Variants in DLG2 observed in about 807,000 individuals in gnomAD.
DLG2 encodes the protein discs large MAGUK scaffold protein 2.
A neutral mutation model predicts 132.5 loss-of-function variants in DLG2; 45 were observed. That is an observed-to-expected ratio of 0.34 (90% CI 0.27 to 0.44). The LOEUF is 0.44. DLG2 is among the 20% of genes least tolerant of loss of function. The probability of loss-of-function intolerance (pLI) is 1.00; values close to 1 mark genes in which losing one functional copy is unlikely to be tolerated. For missense variants in DLG2, 1,045 were observed against 1,196.9 expected, an observed-to-expected ratio of 0.87 and a Z score of 1.87; for synonymous variants, 424 against 419.6, an observed-to-expected ratio of 1.01 and a Z score of -0.13.
chr11:83,739,174 C>A (rs1037102144), intron 18 of DLG2, among the ~76,000 whole-genome samples: 1 of 151,966 alleles, frequency 6.6e-6, no homozygotes. Context: ...ACTGGACCCA[C>A]CACTGATGGG....
chr11:85,581,958 T>C (rs947430114), intron 3 of DLG2, among the ~76,000 whole-genome samples: 4 of 152,158 alleles, frequency 2.6e-5, no homozygotes, highest in African/African-American at 7.2e-5. Context: ...AAGTGGACTG[T>C]CTGAGGAAGT....
At chr11:83,615,375 A>G (rs11828862) in intron 19 of DLG2, among the ~76,000 whole-genome samples, 16,545 of 152,242 alleles carry the variant, frequency 0.11, 1,601 homozygotes, top group African/African-American at 0.25. Context: ...TATTCTAGCA[A>G]CATGACCCAA....
chr11:84,140,196 T>C (rs2094781458), intron 9 of DLG2, among the ~76,000 whole-genome samples: 1 of 152,146 alleles, frequency 6.6e-6, no homozygotes, highest in Non-Finnish European at 1.5e-5. Context: ...CCCTTTGCTA[T>C]GTATTGAGTG....
At chr11:83,817,441 T>C (rs1239297330) in intron 17 of DLG2, among the ~76,000 whole-genome samples, 1 of 152,204 alleles carries the variant, frequency 6.6e-6, no homozygotes, top group Non-Finnish European at 1.5e-5. Flanking sequence ...TTTAGAGATA[T>C]GGCTGGACAA....
intron 14 of DLG2, among the ~76,000 whole-genome samples, chr11:83,953,083 G>A (rs2085884290): frequency 6.6e-6 from 1 of 152,124 alleles, no homozygotes; most frequent in South Asian, 2.1e-4. Flanking sequence ...CAATTACCTA[G>A]AAGTAAAAAA....
chr11:84,527,346 T>C (rs1437088191), intron 7 of DLG2, among the ~76,000 whole-genome samples: 1 of 152,154 alleles, frequency 6.6e-6, no homozygotes, highest in Non-Finnish European at 1.5e-5. Flanking sequence ...AGTAAGAAAA[T>C]AGTATAAAAA....
intron 9 of DLG2, 109 bp from the exon 10 acceptor site, chr11:84,099,156 C>T (rs950680438): frequency 7.6e-5 from 76 of 1,001,344 alleles, no homozygotes; most frequent in Non-Finnish European, 1.1e-4. Context: ...CAGGTGACAA[C>T]AGTCTTGTAT....
At chr11:85,626,889 C>G (rs1386524172) in intron 1 of DLG2, 136 bp from the exon 2 acceptor site, 1 of 152,076 alleles carries the variant, frequency 6.6e-6, no homozygotes, top group Non-Finnish European at 1.5e-5. Context: ...ACTGTTTTTA[C>G]AAACTGGGAA....
Position 84,571,231 on chromosome 11 carries a change from T to C in DLG2, c.358-36500A>G, listed in dbSNP as rs1433651816. Among the ~76,000 whole-genome samples the C allele has an allele frequency of 4.0e-5, 6 of 150,580 alleles. No individual in the cohort carries two copies. The Admixed American group carries it at 4.0e-4, about 10-fold the overall frequency. On this transcript the variant is annotated intron_variant, in intron 6 of 27. Coordinates refer to ENST00000376104, the MANE Select transcript of DLG2 (RefSeq NM_001142699.3). The stretch of plus-strand genomic sequence containing the variant: ...ACTCCCCTACCTCCTTTTCTTCCTC[T>C]TTTCTTTCTCTTCTTTTTTCCCATC...
intron 7 of DLG2, among the ~76,000 whole-genome samples, chr11:84,261,938 T>C (rs1301633233): frequency 6.6e-6 from 1 of 152,178 alleles, no homozygotes; most frequent in Non-Finnish European, 1.5e-5. Flanking sequence ...ATGGTGTCCA[T>C]GTGTGAGCAT....
intron 16 of DLG2, among the ~76,000 whole-genome samples, chr11:83,852,069 C>G (rs895959501): frequency 6.6e-6 from 1 of 152,134 alleles, no homozygotes; most frequent in African/African-American, 2.4e-5. Flanking sequence ...TAGGAAGAGG[C>G]AAGGAGAGTC....
chr11:85,059,302 T>C (rs1451607195), intron 6 of DLG2, among the ~76,000 whole-genome samples: 1 of 151,478 alleles, frequency 6.6e-6, no homozygotes, highest in Non-Finnish European at 1.5e-5. Flanking sequence ...GGAAGTAACA[T>C]ACATTGCTGG....
At chr11:84,990,693 T>C (rs531398487) in intron 6 of DLG2, among the ~76,000 whole-genome samples, 13 of 115,550 alleles carry the variant, frequency 1.1e-4, no homozygotes, top group Admixed American at 1.0e-3. Context: ...AAATAAGAAG[T>C]AGCGACAGCA....
intron 7 of DLG2, among the ~76,000 whole-genome samples, chr11:84,356,187 A>T (rs1315672152): frequency 6.6e-6 from 1 of 152,120 alleles, no homozygotes; most frequent in African/African-American, 2.4e-5. Context: ...CACTTTATCC[A>T]TTTCTATAGC....
At chr11:85,090,825 G>C (rs1169000986) in intron 6 of DLG2, among the ~76,000 whole-genome samples, 1 of 152,150 alleles carries the variant, frequency 6.6e-6, no homozygotes, top group Non-Finnish European at 1.5e-5. Flanking sequence ...CTGACACTGA[G>C]TAATTTATAA....
intron 3 of DLG2, among the ~76,000 whole-genome samples, chr11:85,427,525 T>G (rs2090853323): frequency 6.6e-6 from 1 of 152,188 alleles, no homozygotes; most frequent in South Asian, 2.1e-4. Context: ...CCAGCCAAAC[T>G]AAGCTTCATA....
At chr11:85,496,115 T>G (rs2093662934) in intron 3 of DLG2, among the ~76,000 whole-genome samples, 1 of 152,150 alleles carries the variant, frequency 6.6e-6, no homozygotes, top group Non-Finnish European at 1.5e-5. Flanking sequence ...ACACAGGAAG[T>G]GCAACTGGTT....
intron 6 of DLG2, among the ~76,000 whole-genome samples, chr11:84,820,824 C>T (rs1450965248): frequency 6.6e-6 from 1 of 151,654 alleles, no homozygotes; most frequent in Non-Finnish European, 1.5e-5. Context: ...AAGAGAAACA[C>T]TTCTCACAGT....
chr11:84,073,757 A>G (rs778359253), intron 10 of DLG2, among the ~76,000 whole-genome samples: 5 of 152,222 alleles, frequency 3.3e-5, no homozygotes, highest in Non-Finnish European at 7.4e-5. Context: ...TTAAACCGTA[A>G]GTCTGAACTC....
Sources: gnomAD v4.1 joint callset for allele counts (sites outside exome capture counted in the v4.1 genomes callset) on GRCh38, gnomAD v4.1.1 for gene constraint, MANE v1.5 for transcripts, NCBI Gene and HGNC (gene_info 2026-07-23, HGNC 2026-07-21) for gene names.